SEMA3A: variants seen among roughly 807,000 people sequenced by gnomAD.
The protein encoded by SEMA3A is semaphorin 3A, also known as semaphorin-3A.
In SEMA3A, 29 loss-of-function variants were observed where a neutral mutation model predicts 97.9. That is an observed-to-expected ratio of 0.30 (90% CI 0.22 to 0.40). SEMA3A has a LOEUF of 0.40. SEMA3A is among the 10% of genes least tolerant of loss of function. The pLI is 1.00. For synonymous variants in SEMA3A, 321 were observed against 323.7 expected, an observed-to-expected ratio of 0.99 and a Z score of 0.09; for missense variants, 763 against 951.3, an observed-to-expected ratio of 0.80 and a Z score of 2.60.
At chr7:84,404,029 A>G (rs989888955) in intron 1 of SEMA3A, among the ~76,000 whole-genome samples, 3 of 152,196 alleles carry the variant, frequency 2.0e-5, no homozygotes, top group African/African-American at 7.2e-5. Flanking sequence ...CAGCAACAGA[A>G]CAAAGCTGGA....
intron 2 of SEMA3A, among the ~76,000 whole-genome samples, chr7:84,371,015 T>C (rs1213316140): frequency 6.6e-6 from 1 of 151,214 alleles, no homozygotes; most frequent in Non-Finnish European, 1.5e-5. Flanking sequence ...AGGAGGTAAA[T>C]AGGTAGGTAT....
At chr7:84,288,941 T>C (rs1800667362) in intron 3 of SEMA3A, among the ~76,000 whole-genome samples, 1 of 152,004 alleles carries the variant, frequency 6.6e-6, no homozygotes, top group South Asian at 2.1e-4. Context: ...CTATTTGCAA[T>C]AGCCAAGAAA....
chr7:84,231,128 C>T (rs1185857858), intron 3 of SEMA3A, among the ~76,000 whole-genome samples: 2 of 151,966 alleles, frequency 1.3e-5, no homozygotes, highest in Admixed American at 6.6e-5. Flanking sequence ...ATTAATCACA[C>T]CAACTTTGGA....
intron 1 of SEMA3A, among the ~76,000 whole-genome samples, chr7:84,491,036 G>T (rs1300455900): frequency 6.6e-6 from 1 of 152,124 alleles, no homozygotes; most frequent in Non-Finnish European, 1.5e-5. Flanking sequence ...AATTCTTAAA[G>T]AAATATATTT....
intron 3 of SEMA3A, among the ~76,000 whole-genome samples, chr7:84,293,904 T>C (rs1000944259): frequency 1.3e-5 from 2 of 152,010 alleles, no homozygotes; most frequent in African/African-American, 2.4e-5. Flanking sequence ...ATCATACACA[T>C]TGAATTTGTT....
chr7:84,062,051 C>T (rs1022293544), intron 4 of SEMA3A, among the ~76,000 whole-genome samples: 1 of 152,132 alleles, frequency 6.6e-6, no homozygotes, highest in Non-Finnish European at 1.5e-5. Flanking sequence ...GATATTTAAC[C>T]TCACAAGTTA....
chr7:83,960,130 G>A lies in SEMA3A; in HGVS notation c.*1241C>T, dbSNP rs1367818666. 1 of 152,042 alleles carries A rather than the reference G, an allele frequency of 6.6e-6. No individual in the cohort carries two copies. Among genetic ancestry groups the A allele is most frequent in the Non-Finnish European group, 1.5e-5 (1 of 67,944 alleles). 9.4% of individuals were successfully genotyped at this position (152,042 alleles called of 1,614,324 possible). On this transcript the variant is annotated 3_prime_UTR_variant, in exon 17 of 17. Coordinates refer to ENST00000265362, the MANE Select transcript of SEMA3A (RefSeq NM_006080.3). ...TGCCTTTAACATGTTGCTCTGAATA[G>A]TTATTGATCTCTCTCTTTTAAAAAA...
chr7:84,402,534 T>G (rs1345446225), intron 1 of SEMA3A, among the ~76,000 whole-genome samples: 2 of 152,174 alleles, frequency 1.3e-5, no homozygotes, highest in African/African-American at 4.8e-5. Context: ...ATCAAAGAGA[T>G]ATCTTCACTC....
chr7:84,399,515 C>T (rs987763961), intron 1 of SEMA3A, among the ~76,000 whole-genome samples: 1 of 152,102 alleles, frequency 6.6e-6, no homozygotes, highest in Non-Finnish European at 1.5e-5. Context: ...GACAGAGACT[C>T]CTTCAATTTG....
At chr7:84,403,721 A>G (rs1269067599) in intron 1 of SEMA3A, among the ~76,000 whole-genome samples, 1 of 152,130 alleles carries the variant, frequency 6.6e-6, no homozygotes, top group Admixed American at 6.5e-5. Context: ...TCAGGCAGCA[A>G]CATTTGCGGT....
intron 1 of SEMA3A, among the ~76,000 whole-genome samples, chr7:84,458,252 G>GC (rs1562954466): frequency 6.6e-6 from 1 of 151,902 alleles, no homozygotes; most frequent in East Asian, 1.9e-4. Context: ...TCCTTCTGTA[G>GC]TTTTTTTGTA....
Position 83,956,565 on chromosome 7 carries a change from G to A in SEMA3A, c.*4806C>T. The A allele has an allele frequency of 6.6e-6, 1 of 152,294 alleles. No homozygotes were observed. Among genetic ancestry groups the A allele is most frequent in the Non-Finnish European group, 1.5e-5 (1 of 68,044 alleles). The allele number at this position is 152,294 out of a possible 1,614,324, so 9.4% of individuals were successfully genotyped here. A position where few individuals can be genotyped will look rare whatever the true frequency, so the allele number is the denominator to read the frequency against. ...AAGAAGGAAGGTAAAGAGATTGTGG[G>A]GTGGAAGTGTAGGAGGCTGAATGTG... On this transcript the variant is annotated 3_prime_UTR_variant, in exon 17 of 17. Coordinates refer to ENST00000265362, the MANE Select transcript of SEMA3A (RefSeq NM_006080.3).
chr7:84,079,752 G>A, intron 4 of SEMA3A, among the ~76,000 whole-genome samples: 1 of 112,916 alleles, frequency 8.9e-6, no homozygotes, highest in Non-Finnish European at 1.7e-5. Context: ...TACACTGTTG[G>A]TGGGACTGTA....
chr7:84,453,225 A>G (rs1284753236), intron 1 of SEMA3A, among the ~76,000 whole-genome samples: 1 of 150,312 alleles, frequency 6.7e-6, no homozygotes, highest in South Asian at 2.1e-4. Context: ...ATTATGGTTC[A>G]TGAGACTTTG....
chr7:84,453,397 C>T (rs1344404642), intron 1 of SEMA3A, among the ~76,000 whole-genome samples: 18 of 151,992 alleles, frequency 1.2e-4, no homozygotes, highest in African/African-American at 3.9e-4. Context: ...CCACCTCGCC[C>T]GGCTAATTTT....
At chr7:84,399,038 A>T (rs1376464738) in intron 1 of SEMA3A, among the ~76,000 whole-genome samples, 1 of 152,100 alleles carries the variant, frequency 6.6e-6, no homozygotes, top group Admixed American at 6.6e-5. Flanking sequence ...ATTGAATAGG[A>T]TTGGAAGAAC....
intron 2 of SEMA3A, among the ~76,000 whole-genome samples, chr7:84,339,235 AG>A (rs1802107114): frequency 6.6e-6 from 1 of 152,148 alleles, no homozygotes; most frequent in Admixed American, 6.6e-5. Context: ...TCCTAACAAA[AG>A]TAGATGAATT....
rs573605533 is a variant in SEMA3A at position 84,015,970 on chromosome 7, T to A, written c.668-1619A>T. Among the ~76,000 whole-genome samples, 4 of 152,252 alleles carry A rather than the reference T, an allele frequency of 2.6e-5. No homozygotes were observed. In the East Asian group the frequency reaches 5.8e-4, roughly 22 times the overall value. ...TAGAATTGCTTAGCACCAGCTTTTT[T>A]AAAAGATCCATACAATAATACAATA... On this transcript the variant is annotated intron_variant, in intron 6 of 16. Coordinates refer to ENST00000265362, the MANE Select transcript of SEMA3A (RefSeq NM_006080.3).
At chr7:84,180,781 G>T (rs1247668831) in intron 1 of SEMA3A, among the ~76,000 whole-genome samples, 1 of 152,072 alleles carries the variant, frequency 6.6e-6, no homozygotes, top group African/African-American at 2.4e-5. Context: ...GAAGATTGAA[G>T]GTCTGTCTGC....
Sources: gnomAD v4.1 joint callset for allele counts (sites outside exome capture counted in the v4.1 genomes callset) on GRCh38, gnomAD v4.1.1 for gene constraint, MANE v1.5 for transcripts, NCBI Gene and HGNC (gene_info 2026-07-23, HGNC 2026-07-21) for gene names.